VPS13B: variants seen among roughly 807,000 people sequenced by gnomAD.
The protein encoded by VPS13B is vacuolar protein sorting 13 homolog B.
Under a neutral mutation model 426.4 loss-of-function variants are expected in VPS13B, and 285 were observed. The observed-to-expected ratio is 0.67, with a 90% CI of 0.61 to 0.74. The LOEUF is 0.74. VPS13B is among the 30% of genes least tolerant of loss of function. VPS13B has a pLI of 0.00. For missense variants in VPS13B, 4,537 were observed against 4,782.6 expected, an observed-to-expected ratio of 0.95 and a Z score of 1.51; for synonymous variants, 1,676 against 1,676.4, an observed-to-expected ratio of 1.00 and a Z score of 0.01.
At chr8:99,391,485 G>T in intron 20 of VPS13B, 72 bp from the exon 21 acceptor site, 6 of 1,610,172 alleles carry the variant, frequency 3.7e-6, no homozygotes, top group Non-Finnish European at 5.1e-6. Flanking sequence ...GTATTGCCAT[G>T]TTTAACCTTT....
At chr8:99,875,062 G>GAA in intron 61 of VPS13B, 1 of 333,980 alleles carries the variant, frequency 3.0e-6, no homozygotes, top group Non-Finnish European at 5.7e-6. Flanking sequence ...TTATGTGGAG[G>GAA]AAAGATTTTT....
intron 33 of VPS13B, among the ~76,000 whole-genome samples, chr8:99,611,094 A>G (rs1827829347): frequency 6.6e-6 from 1 of 152,230 alleles, no homozygotes; most frequent in African/African-American, 2.4e-5. Context: ...TTTATGGGAA[A>G]TGAATTCATT....
At chr8:99,087,047 C>T (rs13265237) in intron 3 of VPS13B, among the ~76,000 whole-genome samples, 111,544 of 152,092 alleles carry the variant, frequency 0.73, 41,511 homozygotes, top group South Asian at 0.86. Flanking sequence ...ATGCCCTGCC[C>T]GCAGAGGTGG....
At chr8:99,357,558 A>G (rs1281876207) in intron 19 of VPS13B, among the ~76,000 whole-genome samples, 2 of 152,106 alleles carry the variant, frequency 1.3e-5, no homozygotes, top group East Asian at 1.9e-4. Context: ...TTTACTCCCC[A>G]TTAAACAGCC....
chr8:99,050,131 C>G (rs1843451158), intron 3 of VPS13B, among the ~76,000 whole-genome samples: 1 of 151,714 alleles, frequency 6.6e-6, no homozygotes, highest in Admixed American at 6.6e-5. Flanking sequence ...TGTGCTGCAC[C>G]CATTAACTCG....
At chr8:99,054,603 C>T (rs75724095) in intron 3 of VPS13B, among the ~76,000 whole-genome samples, 1,629 of 152,196 alleles carry the variant, frequency 0.011, 18 homozygotes, top group South Asian at 0.028. Flanking sequence ...ATTGCTAGTG[C>T]TTTCGGTGTT....
At chr8:99,835,836 G>A in intron 54 of VPS13B, 98 bp downstream of exon 54, 1 of 1,221,542 alleles carries the variant, frequency 8.2e-7, no homozygotes, top group South Asian at 1.3e-5. Context: ...TCTAAATGCT[G>A]AACATCTTTT....
intron 33 of VPS13B, among the ~76,000 whole-genome samples, chr8:99,638,120 A>G (rs999657168): frequency 3.9e-5 from 6 of 152,076 alleles, no homozygotes; most frequent in Non-Finnish European, 8.8e-5. Flanking sequence ...TTTGATAACA[A>G]TTATCTTTAT....
intron 23 of VPS13B, among the ~76,000 whole-genome samples, chr8:99,462,489 C>G (rs192155859): frequency 6.6e-6 from 1 of 151,898 alleles, no homozygotes; most frequent in Non-Finnish European, 1.5e-5. Flanking sequence ...TTTCCTCTAC[C>G]TTTCTCTTAA....
At chr8:99,866,982 C>T (rs1006092496) in intron 58 of VPS13B, among the ~76,000 whole-genome samples, 1 of 152,196 alleles carries the variant, frequency 6.6e-6, no homozygotes, top group African/African-American at 2.4e-5. Flanking sequence ...TTTGGCAGCA[C>T]GACTCTAGGC....
chr8:99,857,136 T>C (rs1289276908), intron 56 of VPS13B, among the ~76,000 whole-genome samples: 1 of 152,198 alleles, frequency 6.6e-6, no homozygotes, highest in Non-Finnish European at 1.5e-5. Flanking sequence ...AGCTAAGATG[T>C]CACTGAGATG....
intron 31 of VPS13B, among the ~76,000 whole-genome samples, chr8:99,559,397 G>A (rs1258859918): frequency 6.6e-6 from 1 of 152,152 alleles, no homozygotes; most frequent in Non-Finnish European, 1.5e-5. Context: ...CTGTGCAGAA[G>A]CTCTTTAGTT....
In VPS13B at chr8:99,202,474, C is replaced by T. The variant is rs1814388047; in HGVS notation, c.2515+9417C>T. On this transcript the variant is annotated intron_variant, in intron 17 of 61. Transcript: ENST00000357162. ...GAAGAAATGGGTAAATTCCTGGACA[C>T]AGCCTCACAAAACTAAGCCAGAAAG... is the stretch of plus-strand genomic sequence containing the variant. Among the ~76,000 whole-genome samples the T allele has an allele frequency of 2.0e-5, 3 of 152,150 alleles. No individual in the cohort carries two copies. In the South Asian group the frequency reaches 6.2e-4, roughly 32 times the overall value.
chr8:99,129,637 G>T (rs1461769994), intron 8 of VPS13B, among the ~76,000 whole-genome samples: 1 of 150,858 alleles, frequency 6.6e-6, no homozygotes, highest in Non-Finnish European at 1.5e-5. Context: ...GTCAGTTTTA[G>T]ATTGGAATAA....
At chr8:99,123,289 T>C (rs919317063) in intron 8 of VPS13B, among the ~76,000 whole-genome samples, 61 of 152,084 alleles carry the variant, frequency 4.0e-4, no homozygotes, top group African/African-American at 1.4e-3. Flanking sequence ...GGAAGCCTTA[T>C]TGATATTTGA....
At chr8:99,369,926 G>A (rs918986964) in intron 19 of VPS13B, among the ~76,000 whole-genome samples, 36 of 152,058 alleles carry the variant, frequency 2.4e-4, no homozygotes, top group African/African-American at 8.7e-4. Flanking sequence ...TGAAACATTG[G>A]AAACTAGTCC....
At chr8:99,020,644 T>C (rs1443273945) in intron 2 of VPS13B, among the ~76,000 whole-genome samples, 1 of 152,234 alleles carries the variant, frequency 6.6e-6, no homozygotes, top group Non-Finnish European at 1.5e-5. Flanking sequence ...GCAACCTTTC[T>C]CTCTTTTTTT....
At chr8:99,399,538 A>G (rs1814921152) in intron 21 of VPS13B, among the ~76,000 whole-genome samples, 2 of 152,180 alleles carry the variant, frequency 1.3e-5, no homozygotes, top group African/African-American at 4.8e-5. Flanking sequence ...GTAATAGTTT[A>G]TGAAGATGAT....
Position 99,549,020 on chromosome 8 carries a change from T to C in VPS13B, c.4746-7430T>C, listed in dbSNP as rs147277284. On this transcript the variant is annotated intron_variant, in intron 30 of 61. Transcript: ENST00000357162. ...ATAATTTGTAATAGAAATTTTCATT[T>C]GTACTTGGAAAACTATCTACAGAGG... Among the ~76,000 whole-genome samples the C allele has an allele frequency of 2.2e-3, 341 of 152,214 alleles. 2 individuals carry two copies. Among genetic ancestry groups the C allele is most frequent in the African/African-American group, 7.7e-3 (320 of 41,558 alleles).
Sources: gnomAD v4.1 joint callset for allele counts (sites outside exome capture counted in the v4.1 genomes callset) on GRCh38, gnomAD v4.1.1 for gene constraint, MANE v1.5 for transcripts, NCBI Gene and HGNC (gene_info 2026-07-23, HGNC 2026-07-21) for gene names.